Variants in BTBD9 observed in about 807,000 individuals in gnomAD.
BTBD9 encodes BTB/POZ domain-containing protein 9.
In BTBD9, 49 loss-of-function variants were observed where a neutral mutation model predicts 64.3. That is an observed-to-expected ratio of 0.76 (90% confidence interval 0.61 to 0.97). BTBD9 has a LOEUF of 0.97. Ranked by LOEUF, BTBD9 falls within the 50% of genes least tolerant of loss-of-function variation. BTBD9 has a pLI of 0.00. For synonymous variants in BTBD9, 260 were observed against 274.7 expected, an observed-to-expected ratio of 0.95 and a Z score of 0.53; for missense variants, 598 against 762.1, an observed-to-expected ratio of 0.78 and a Z score of 2.53.
chr6:38,610,087 T>C (rs1480096438), intron 1 of BTBD9, among the ~76,000 whole-genome samples: 3 of 152,244 alleles, frequency 2.0e-5, no homozygotes, highest in African/African-American at 7.2e-5. Flanking sequence ...TTAATAAATT[T>C]TTTAAATGTT....
intron 6 of BTBD9, among the ~76,000 whole-genome samples, chr6:38,541,307 T>C (rs1361482123): frequency 3.9e-5 from 6 of 152,288 alleles, no homozygotes; most frequent in Non-Finnish European, 7.4e-5. Context: ...TACCTATGCA[T>C]ATACAATGCC....
rs186834662 is a variant in BTBD9, at chr6:38,259,918, C to T, written c.1455-3402G>A. On this transcript the variant is annotated intron_variant, in intron 8 of 10. Transcript: ENST00000481247. The stretch of plus-strand genomic sequence containing the variant: ...TTCCACTCTGTTGTTCTTAAGTGGC[C>T]CAAAATTCTACTCTTAGATTACACT... Among the ~76,000 whole-genome samples the T allele has an allele frequency of 2.3e-3, 346 of 152,192 alleles. 1 individual carries two copies. Among genetic ancestry groups the T allele is most frequent in the South Asian group, 6.2e-3 (30 of 4,818 alleles).
chr6:38,439,207 T>A (rs1056838776), intron 6 of BTBD9, among the ~76,000 whole-genome samples: 2 of 136,960 alleles, frequency 1.5e-5, no homozygotes, highest in African/African-American at 2.7e-5. Flanking sequence ...CACTGCAACC[T>A]CCACCTCCCA....
chr6:38,346,578 C>T (rs1764282797), intron 6 of BTBD9, among the ~76,000 whole-genome samples: 1 of 146,240 alleles, frequency 6.8e-6, no homozygotes, highest in Admixed American at 6.8e-5. Context: ...TCTGTTCCTT[C>T]AAGCCCTCAA....
intron 6 of BTBD9, among the ~76,000 whole-genome samples, chr6:38,401,605 G>A (rs76781864): frequency 2.2e-4 from 34 of 152,326 alleles, no homozygotes; most frequent in Non-Finnish European, 4.3e-4. Flanking sequence ...ACAAGAAGTA[G>A]AGACCTGGAG....
intron 1 of BTBD9, among the ~76,000 whole-genome samples, chr6:38,626,676 A>T (rs564951998): frequency 6.6e-6 from 1 of 152,238 alleles, no homozygotes; most frequent in Middle Eastern, 3.2e-3. Flanking sequence ...AACTATTTAT[A>T]TGGAATAAGT....
chr6:38,377,317 G>T (rs890170491), intron 6 of BTBD9, among the ~76,000 whole-genome samples: 1 of 152,134 alleles, frequency 6.6e-6, no homozygotes, highest in Non-Finnish European at 1.5e-5. Flanking sequence ...CTGGGGCTAG[G>T]ACTAGTGTTT....
At chr6:38,579,188 G>A (rs1028848170) in intron 5 of BTBD9, among the ~76,000 whole-genome samples, 4 of 152,168 alleles carry the variant, frequency 2.6e-5, no homozygotes, top group Admixed American at 6.5e-5. Flanking sequence ...TCATGTACAT[G>A]GGAAATGCTG....
At chr6:38,329,324 T>C (rs1490472031) in intron 7 of BTBD9, among the ~76,000 whole-genome samples, 1 of 115,200 alleles carries the variant, frequency 8.7e-6, no homozygotes, top group Non-Finnish European at 1.6e-5. Context: ...CTTTTTTTCC[T>C]TTTTTTTTTT....
At chr6:38,610,870 A>G (rs1194463024) in intron 1 of BTBD9, among the ~76,000 whole-genome samples, 1 of 150,906 alleles carries the variant, frequency 6.6e-6, no homozygotes, top group Non-Finnish European at 1.5e-5. Flanking sequence ...CTAGAAATAT[A>G]TAAGGTTATT....
At chr6:38,302,409 T>G (rs1356063271) in intron 7 of BTBD9, among the ~76,000 whole-genome samples, 2 of 151,070 alleles carry the variant, frequency 1.3e-5, no homozygotes, top group Non-Finnish European at 3.0e-5. Flanking sequence ...TTTAATTATC[T>G]CCAGGTTCTT....
intron 9 of BTBD9, among the ~76,000 whole-genome samples, chr6:38,227,592 A>G (rs1293482572): frequency 6.6e-6 from 1 of 152,196 alleles, no homozygotes; most frequent in Non-Finnish European, 1.5e-5. Flanking sequence ...AGGCTGAGGA[A>G]TAGGTTCAAG....
intron 6 of BTBD9, among the ~76,000 whole-genome samples, chr6:38,372,467 A>G (rs1169677993): frequency 6.6e-6 from 1 of 152,208 alleles, no homozygotes; most frequent in Non-Finnish European, 1.5e-5. Flanking sequence ...ACAGCAACTA[A>G]AAGAAAATCC....
intron 6 of BTBD9, among the ~76,000 whole-genome samples, chr6:38,374,896 C>T (rs930784721): frequency 6.6e-6 from 1 of 152,158 alleles, no homozygotes; most frequent in East Asian, 1.9e-4. Context: ...CTTTGGAACA[C>T]AATGTCCAAA....
chr6:38,478,650 T>A (rs1423107294), intron 6 of BTBD9, among the ~76,000 whole-genome samples: 7 of 152,208 alleles, frequency 4.6e-5, no homozygotes, highest in African/African-American at 1.7e-4. Context: ...GTTCTTGGCT[T>A]CCGGAAGGAT....
intron 10 of BTBD9, among the ~76,000 whole-genome samples, chr6:38,190,449 ACAGAGTGAAACTCTGT>A (rs1762017384): frequency 7.0e-6 from 1 of 142,140 alleles, no homozygotes; most frequent in Non-Finnish European, 1.5e-5. Flanking sequence ...AGCTTGGGTG[ACAGAGTGAAACTCTGT>A]CTAAAAAAAA....
At position 38,605,624 on chromosome 6, in the gene BTBD9, G is replaced by A. The variant is rs115966696; in HGVS notation, c.-27-7503C>T. 4.4e-3 allele frequency among the ~76,000 whole-genome samples: 651 copies of A among 148,456 alleles called. 9 individuals are homozygous for A. Among genetic ancestry groups the A allele is most frequent in the African/African-American group, 0.015 (616 of 40,296 alleles). ...TTATAAAAAGGTTCCCACAGTCTGG[G>A]CAACATAGCAAGACCCCTTATCTAC... On this transcript the variant is annotated intron_variant, in intron 1 of 10. Transcript: ENST00000481247.
At chr6:38,508,084 C>T (rs1391424497) in intron 6 of BTBD9, among the ~76,000 whole-genome samples, 2 of 152,094 alleles carry the variant, frequency 1.3e-5, no homozygotes, top group African/African-American at 4.8e-5. Flanking sequence ...CCACCTGTCT[C>T]GGCCTCCCAA....
chr6:38,210,536 T>TTGTGTGTGTGTGTGTGTGTGTGTG (rs71542165), intron 9 of BTBD9, among the ~76,000 whole-genome samples: 2 of 146,346 alleles, frequency 1.4e-5, no homozygotes, highest in African/African-American at 2.6e-5. Context: ...GTGCGTGTGT[T>TTGTGTGTGTGTGTGTGTGTGTGTG]TGTGTGTGTG....
Sources: gnomAD v4.1 joint callset for allele counts (sites outside exome capture counted in the v4.1 genomes callset) on GRCh38, gnomAD v4.1.1 for gene constraint, MANE v1.5 for transcripts, NCBI Gene and HGNC (gene_info 2026-07-23, HGNC 2026-07-21) for gene names.